Variants in RFTN1 observed in about 807,000 individuals in gnomAD.
The protein encoded by RFTN1 is raftlin, lipid raft linker 1, also known as raftlin.
A neutral mutation model predicts 46.5 loss-of-function variants in RFTN1; 26 were observed. That is an observed-to-expected ratio of 0.56 (90% confidence interval 0.41 to 0.78). RFTN1 has a LOEUF of 0.78. Among genes scored for constraint, RFTN1 ranks in the 30% least tolerant of loss-of-function variants. The pLI, the probability that RFTN1 is intolerant of heterozygous loss-of-function variation, is 0.00. For synonymous variants in RFTN1, 261 were observed against 284.2 expected (o/e 0.92, Z 0.82); for missense variants, 693 against 718.7 (o/e 0.96, Z 0.41).
intron 3 of RFTN1, among the ~76,000 whole-genome samples, chr3:16,423,815 C>T (rs963851698): frequency 2.6e-5 from 4 of 152,168 alleles, no homozygotes; most frequent in African/African-American, 9.7e-5. Flanking sequence ...ACAAATTCCC[C>T]ACGAACAGGA....
intron 2 of RFTN1, 64 bp downstream of exon 2, chr3:16,493,661 A>G: frequency 1.3e-6 from 1 of 793,866 alleles, no homozygotes. Flanking sequence ...CTGCACCCCC[A>G]TCCCCTGCAG....
intron 2 of RFTN1, among the ~76,000 whole-genome samples, chr3:16,453,600 T>A (rs1346232339): frequency 1.3e-5 from 2 of 152,254 alleles, no homozygotes; most frequent in Non-Finnish European, 2.9e-5. Flanking sequence ...CAAAGCCTTT[T>A]AAAAATGTAA....
intron 5 of RFTN1, among the ~76,000 whole-genome samples, chr3:16,373,616 C>A (rs915640696): frequency 5.3e-5 from 8 of 152,184 alleles, no homozygotes; most frequent in African/African-American, 1.9e-4. Context: ...ACTGGCTGGG[C>A]CCTGCTGTCC....
chr3:16,460,184 T>G lies in RFTN1; in HGVS notation c.146-26147A>C, dbSNP rs1440224907. 1.3e-5 allele frequency among the ~76,000 whole-genome samples: 2 copies of G among 151,740 alleles called. No individual in the cohort carries two copies. The highest frequency in any genetic ancestry group is 2.0e-4 in the East Asian group (1 of 5,128). ...ATTCTGGCCCTGCAAAACACAGAAG[T>G]GTCTCAATTTCTCTTTTTCCACCGT... On this transcript the variant is annotated intron_variant, in intron 2 of 9. Coordinates refer to ENST00000334133, the MANE Select transcript of RFTN1 (RefSeq NM_015150.2). The surrounding 1 kb of genome is among the most constrained non-coding windows in gnomAD (Gnocchi z 4.8).
chr3:16,403,823 AT>A (rs550761838), intron 4 of RFTN1, among the ~76,000 whole-genome samples: 369 of 6,598 alleles, frequency 0.056, 73 homozygotes, highest in African/African-American at 0.3. Flanking sequence ...TTTATATTAT[AT>A]TTATATATAA....
At chr3:16,490,090 A>G (rs1411525167) in intron 2 of RFTN1, among the ~76,000 whole-genome samples, 1 of 152,224 alleles carries the variant, frequency 6.6e-6, no homozygotes, top group Non-Finnish European at 1.5e-5. Flanking sequence ...ATTTAGTTCT[A>G]GGTTTACTAG....
rs1473335807 is a variant in RFTN1 at position 16,460,859 on chromosome 3, C to T, written c.146-26822G>A. Among the ~76,000 whole-genome samples, 1 of 152,218 alleles carries T rather than the reference C, an allele frequency of 6.6e-6. No homozygotes were observed. The highest frequency in any genetic ancestry group is 2.4e-5 in the African/African-American group (1 of 41,454). The stretch of plus-strand genomic sequence containing the variant: ...CCCACTCTCTCCCACCTACCCACCC[C>T]AGAATTTCTTACCCTTCATAAGGCA... On this transcript the variant is annotated intron_variant, in intron 2 of 9. Coordinates refer to ENST00000334133, the MANE Select transcript of RFTN1 (RefSeq NM_015150.2). This position sits in a 1 kb window ranked among gnomAD's most constrained non-coding sequence, Gnocchi z 4.8.
rs567486397 is a variant in RFTN1 at position 16,466,477 on chromosome 3, C to T, written c.145+27248G>A. Among the ~76,000 whole-genome samples, 13 of 152,286 alleles carry T rather than the reference C, an allele frequency of 8.5e-5. No individual in the cohort carries two copies. The East Asian group carries it at 2.5e-3, about 29-fold the overall frequency. On this transcript the variant is annotated intron_variant, in intron 2 of 9. Coordinates refer to ENST00000334133, the MANE Select transcript of RFTN1 (RefSeq NM_015150.2). This position sits in a 1 kb window ranked among gnomAD's most constrained non-coding sequence, Gnocchi z 5.6. ...TCCTCAACTGGTGGTTCATGAAGCTCAGAAAAAGATGCAGAGGATTCCTTC... is the reference window on the plus strand; with the variant it reads ...TCCTCAACTGGTGGTTCATGAAGCTTAGAAAAAGATGCAGAGGATTCCTTC...
rs1037739703 is a variant in RFTN1 at position 16,440,898 on chromosome 3, T to A, written c.146-6861A>T. 2.0e-5 allele frequency among the ~76,000 whole-genome samples: 3 copies of A among 152,164 alleles called. No homozygotes were observed. The highest frequency in any genetic ancestry group is 7.2e-5 in the African/African-American group (3 of 41,442). ...GCCCCGCACTTCTTCCTATTTCTGA[T>A]CCTGCCACTGTCCAGGCGCAGTGTG... On this transcript the variant is annotated intron_variant, in intron 2 of 9. Coordinates refer to ENST00000334133, the MANE Select transcript of RFTN1 (RefSeq NM_015150.2). The surrounding 1 kb of genome is among the most constrained non-coding windows in gnomAD (Gnocchi z 4.6).
chr3:16,436,427 G>A (rs960579518), intron 2 of RFTN1, among the ~76,000 whole-genome samples: 8 of 150,398 alleles, frequency 5.3e-5, no homozygotes, highest in African/African-American at 1.2e-4. Context: ...TGCTATCCCC[G>A]CTCACTGCAA....
chr3:16,345,371 C>T lies in RFTN1; in HGVS notation c.1146+12561G>A, dbSNP rs2071583753. 6.6e-6 allele frequency: 1 copy of T among 151,708 alleles called. No individual in the cohort carries two copies. Among genetic ancestry groups the T allele is most frequent in the Non-Finnish European group, 1.5e-5 (1 of 68,002 alleles). The allele number at this position is 151,708 out of a possible 1,614,324, so 9.4% of individuals were successfully genotyped here. On this transcript the variant is annotated intron_variant, in intron 7 of 9. Transcript: ENST00000334133. The surrounding 1 kb of genome is among the most constrained non-coding windows in gnomAD (Gnocchi z 5.2). ...CATTGGGAAAACCTAAAGATATAGC[C>T]CCTGTTATCACATTGAGCCCTTAAC...
In RFTN1 at chr3:16,363,210, T is replaced by G. The variant is rs569077344; in HGVS notation, c.1031-5163A>C. ...TAAAGAGTCGCTTGTTTTGACGGCC[T>G]TGTCCACTCCTTGTCTCCTCATTAC... On this transcript the variant is annotated intron_variant, in intron 6 of 9. Coordinates refer to ENST00000334133, the MANE Select transcript of RFTN1 (RefSeq NM_015150.2). 2.6e-5 allele frequency among the ~76,000 whole-genome samples: 4 copies of G among 152,188 alleles called. No homozygotes were observed. The South Asian group carries it at 8.4e-4, about 32-fold the overall frequency.
rs1238818062 is a variant in RFTN1 at position 16,480,937 on chromosome 3, G to C, written c.145+12788C>G. Among the ~76,000 whole-genome samples the C allele has an allele frequency of 1.3e-5, 2 of 151,654 alleles. No individual in the cohort carries two copies. Among genetic ancestry groups the C allele is most frequent in the African/African-American group, 4.8e-5 (2 of 41,244 alleles). On this transcript the variant is annotated intron_variant, in intron 2 of 9. Transcript: ENST00000334133. The surrounding 1 kb of genome is among the most constrained non-coding windows in gnomAD (Gnocchi z 4.3). ...AGGAATTTCATTTTACTGAAGGCAG[G>C]CTTAGTTGCTGAAATTTACTGCTTG...
At chr3:16,332,932 C>T (rs1163742110) in intron 7 of RFTN1, among the ~76,000 whole-genome samples, 1 of 152,106 alleles carries the variant, frequency 6.6e-6, no homozygotes, top group Non-Finnish European at 1.5e-5. Context: ...ACTATTGAAC[C>T]ATTGCCCATA....
chr3:16,453,247 T>C lies in RFTN1; in HGVS notation c.146-19210A>G, dbSNP rs573062685. The stretch of plus-strand genomic sequence containing the variant: ...ATGCTCTTAACCTCTACACTATGAA[T>C]TCTCCCTAATTAACTAAGCTAATGT... On this transcript the variant is annotated intron_variant, in intron 2 of 9. Coordinates refer to ENST00000334133, the MANE Select transcript of RFTN1 (RefSeq NM_015150.2). 3.3e-5 allele frequency among the ~76,000 whole-genome samples: 5 copies of C among 152,302 alleles called. No individual in the cohort carries two copies. The East Asian group carries it at 7.7e-4, about 23-fold the overall frequency.
chr3:16,331,219 G>A (rs183514739), intron 7 of RFTN1, among the ~76,000 whole-genome samples: 2 of 152,256 alleles, frequency 1.3e-5, no homozygotes, highest in Admixed American at 1.3e-4. Context: ...TGTGTCTTTT[G>A]TAAAATTGCT....
At position 16,335,613 on chromosome 3, in the gene RFTN1, T is replaced by TGG. The variant is rs893650495; in HGVS notation, c.1147-8739_1147-8738dup. Among the ~76,000 whole-genome samples, 28 of 151,952 alleles carry TGG rather than the reference T, an allele frequency of 1.8e-4. No homozygotes were observed. The highest frequency in any genetic ancestry group is 2.6e-4 in the Admixed American group (4 of 15,266). The stretch of plus-strand genomic sequence containing the variant: ...ACACATGGTGGGGAGCAACACACAC[T>TGG]GGGACCTGTTGGAGGTGTGGGAGGA... On this transcript the variant is annotated intron_variant, in intron 7 of 9. Coordinates refer to ENST00000334133, the MANE Select transcript of RFTN1 (RefSeq NM_015150.2). This position sits in a 1 kb window ranked among gnomAD's most constrained non-coding sequence, Gnocchi z 4.7.
At chr3:16,343,161 T>C (rs1300473180) in intron 7 of RFTN1, among the ~76,000 whole-genome samples, 2 of 152,066 alleles carry the variant, frequency 1.3e-5, no homozygotes, top group African/African-American at 2.4e-5. Context: ...TTTTAATAAG[T>C]CCTCAGGTGA....
Position 16,370,512 on chromosome 3 carries a change from G to A in RFTN1, c.827-233C>T, listed in dbSNP as rs2073452671. Reference sequence around the variant, plus strand: ...GTTGGGCTTCTGATGGGGAACTTAGGTTTTTAATCTGGAATATAATGAATA... The same window carrying A: ...GTTGGGCTTCTGATGGGGAACTTAGATTTTTAATCTGGAATATAATGAATA... On this transcript the variant is annotated intron_variant, in intron 5 of 9. Transcript: ENST00000334133. This position sits in a 1 kb window ranked among gnomAD's most constrained non-coding sequence, Gnocchi z 5.5. Among the ~76,000 whole-genome samples, 1 of 152,168 alleles carries A rather than the reference G, an allele frequency of 6.6e-6. No homozygotes were observed.
Sources: gnomAD v4.1 joint callset for allele counts (sites outside exome capture counted in the v4.1 genomes callset) on GRCh38, gnomAD v4.1.1 for gene constraint, Gnocchi (gnomAD v3.1) non-coding constraint, MANE v1.5 for transcripts, NCBI Gene and HGNC (gene_info 2026-07-23, HGNC 2026-07-21) for gene names.